SGCZ: variants seen among roughly 807,000 people sequenced by gnomAD.
SGCZ encodes the protein zeta-sarcoglycan.
SGCZ carries 40 observed loss-of-function variants against 41.3 expected under a neutral mutation model. The observed-to-expected ratio is 0.97, with a 90% CI of 0.75 to 1.26. SGCZ has a LOEUF of 1.26. SGCZ is among the 50% of genes most tolerant of loss of function. The pLI, the probability that SGCZ is intolerant of heterozygous loss-of-function variation, is 0.00. For synonymous variants in SGCZ, 206 were observed against 137.5 expected, an observed-to-expected ratio of 1.50 and a Z score of -3.49; for missense variants, 552 against 369.8, an observed-to-expected ratio of 1.49 and a Z score of -4.04.
intron 3 of SGCZ, among the ~76,000 whole-genome samples, chr8:14,262,672 G>T (rs570753017): frequency 1.3e-5 from 2 of 151,446 alleles, no homozygotes; most frequent in South Asian, 4.2e-4. Context: ...TTGTCATCGA[G>T]CTTTAAAACT....
At chr8:14,582,777 C>T (rs1215845776) in intron 1 of SGCZ, among the ~76,000 whole-genome samples, 110 of 149,374 alleles carry the variant, frequency 7.4e-4, no homozygotes, top group Non-Finnish European at 1.3e-3. Flanking sequence ...TTTGTCCTTG[C>T]GATAGTTTAC....
chr8:14,590,557 T>C (rs1333164979), intron 1 of SGCZ, among the ~76,000 whole-genome samples: 1 of 150,872 alleles, frequency 6.6e-6, no homozygotes, highest in Admixed American at 6.6e-5. Context: ...CTTTCTATAT[T>C]ATTGCTTATA....
At chr8:14,279,792 A>G (rs1800358908) in intron 3 of SGCZ, among the ~76,000 whole-genome samples, 1 of 151,984 alleles carries the variant, frequency 6.6e-6, no homozygotes, top group Non-Finnish European at 1.5e-5. Flanking sequence ...CTGAATTTTC[A>G]GAAAATACTC....
chr8:14,845,932 A>G (rs1803085468), intron 1 of SGCZ, among the ~76,000 whole-genome samples: 2 of 152,222 alleles, frequency 1.3e-5, no homozygotes, highest in Admixed American at 1.3e-4. Context: ...AAAGAAGACT[A>G]TTAGCGGGGA....
At chr8:14,933,688 G>A (rs548212924) in intron 1 of SGCZ, among the ~76,000 whole-genome samples, 1 of 151,774 alleles carries the variant, frequency 6.6e-6, no homozygotes, top group Non-Finnish European at 1.5e-5. Flanking sequence ...TCCTGACCTC[G>A]TGATCTGCCC....
intron 1 of SGCZ, among the ~76,000 whole-genome samples, chr8:15,024,350 G>A (rs1803367692): frequency 6.6e-6 from 1 of 152,096 alleles, no homozygotes; most frequent in Non-Finnish European, 1.5e-5. Flanking sequence ...GCATAAATTT[G>A]AGGAGACACT....
intron 1 of SGCZ, among the ~76,000 whole-genome samples, chr8:14,882,463 T>G (rs1048528477): frequency 2.0e-5 from 3 of 152,198 alleles, no homozygotes; most frequent in Non-Finnish European, 4.4e-5. Context: ...TCTATCTATG[T>G]GTTAGAGTGA....
At chr8:14,817,422 G>A (rs916915050) in intron 1 of SGCZ, among the ~76,000 whole-genome samples, 2 of 152,176 alleles carry the variant, frequency 1.3e-5, no homozygotes, top group Non-Finnish European at 2.9e-5. Context: ...GGGCTGCATC[G>A]CTTCAGAGTA....
chr8:14,278,578 G>C (rs1182862832), intron 3 of SGCZ, among the ~76,000 whole-genome samples: 1 of 152,048 alleles, frequency 6.6e-6, no homozygotes, highest in Non-Finnish European at 1.5e-5. Flanking sequence ...ATTAAAAGAA[G>C]ATAAAATATT....
chr8:14,616,983 T>C (rs1430091706), intron 1 of SGCZ, among the ~76,000 whole-genome samples: 1 of 152,072 alleles, frequency 6.6e-6, no homozygotes, highest in Non-Finnish European at 1.5e-5. Context: ...GTTTTCACAT[T>C]CCTTTAATAT....
intron 1 of SGCZ, among the ~76,000 whole-genome samples, chr8:14,605,456 G>A (rs926301306): frequency 6.6e-6 from 1 of 151,880 alleles, no homozygotes; most frequent in African/African-American, 2.4e-5. Context: ...ATTTAAATTA[G>A]TATTGACTAT....
At chr8:14,579,933 G>C (rs1478890429) in intron 1 of SGCZ, among the ~76,000 whole-genome samples, 2 of 152,154 alleles carry the variant, frequency 1.3e-5, no homozygotes, top group Non-Finnish European at 2.9e-5. Context: ...GAAGGTTTAA[G>C]ATTAGTATAT....
intron 1 of SGCZ, among the ~76,000 whole-genome samples, chr8:14,840,188 C>A (rs1405752940): frequency 1.3e-5 from 2 of 151,940 alleles, no homozygotes; most frequent in Admixed American, 1.3e-4. Context: ...AAGACAATTC[C>A]TGCTTAAGGG....
intron 1 of SGCZ, among the ~76,000 whole-genome samples, chr8:14,958,424 G>C (rs983396513): frequency 6.6e-5 from 10 of 152,034 alleles, no homozygotes; most frequent in African/African-American, 2.4e-4. Context: ...ATGCAATACT[G>C]ATACGTTAGG....
intron 4 of SGCZ, among the ~76,000 whole-genome samples, chr8:14,198,176 G>C (rs1306672809): frequency 1.3e-5 from 2 of 152,134 alleles, no homozygotes; most frequent in African/African-American, 4.8e-5. Flanking sequence ...ATCTCATTCT[G>C]TCCCACCTGG....
chr8:14,967,738 A>G (rs1262799854), intron 1 of SGCZ, among the ~76,000 whole-genome samples: 1 of 152,148 alleles, frequency 6.6e-6, no homozygotes, highest in Non-Finnish European at 1.5e-5. Context: ...ACCATGCCTG[A>G]TTTTACTTGC....
At chr8:14,613,746 A>C (rs1184098572) in intron 1 of SGCZ, among the ~76,000 whole-genome samples, 2 of 152,130 alleles carry the variant, frequency 1.3e-5, no homozygotes, top group Non-Finnish European at 2.9e-5. Context: ...AGAATTATGG[A>C]GAGGGTTACA....
chr8:14,324,207 A>C lies in SGCZ; in HGVS notation c.235-3T>G. The C allele has an allele frequency of 6.2e-7, 1 of 1,602,286 alleles. No homozygotes were observed. On this transcript the variant is annotated splice_polypyrimidine_tract_variant and splice_region_variant and intron_variant, in intron 2 of 7. Coordinates refer to ENST00000382080, the MANE Select transcript of SGCZ (RefSeq NM_139167.4). ...ACTCTCAGATTTCCCATACCATCCTACAAGCAATGAAATATAGTTCACTTT... is the reference window on the plus strand; with the variant it reads ...ACTCTCAGATTTCCCATACCATCCTCCAAGCAATGAAATATAGTTCACTTT...
At chr8:14,119,673 A>T in intron 5 of SGCZ, among the ~76,000 whole-genome samples, 1 of 152,146 alleles carries the variant, frequency 6.6e-6, no homozygotes, top group South Asian at 2.1e-4. Flanking sequence ...GCTTTTGGCC[A>T]TTCAGTATGA....
Sources: gnomAD v4.1 joint callset for allele counts (sites outside exome capture counted in the v4.1 genomes callset) on GRCh38, gnomAD v4.1.1 for gene constraint, MANE v1.5 for transcripts, NCBI Gene and HGNC (gene_info 2026-07-23, HGNC 2026-07-21) for gene names.